Variants in PICALM observed in about 807,000 individuals in gnomAD.
PICALM encodes phosphatidylinositol binding clathrin assembly protein, also known as phosphatidylinositol-binding clathrin assembly protein.
PICALM carries 40 observed loss-of-function variants against 80.5 expected under a neutral mutation model. That is an observed-to-expected ratio of 0.50 (90% CI 0.39 to 0.65). PICALM has a LOEUF of 0.65. PICALM is among the 30% of genes least tolerant of loss of function. The pLI is 0.00. For missense variants in PICALM, 676 were observed against 778.9 expected (o/e 0.87, Z 1.57); for synonymous variants, 288 against 260.3 (o/e 1.11, Z -1.02).
chr11:86,054,988 CA>C (rs778871076), intron 1 of PICALM, among the ~76,000 whole-genome samples: 1 of 151,562 alleles, frequency 6.6e-6, no homozygotes, highest in Non-Finnish European at 1.5e-5. Flanking sequence ...CTTAGCACTC[CA>C]AAAAAAATAT....
At chr11:85,994,623 A>T (rs2094899004) in intron 12 of PICALM, among the ~76,000 whole-genome samples, 1 of 152,256 alleles carries the variant, frequency 6.6e-6, no homozygotes, top group Non-Finnish European at 1.5e-5. Flanking sequence ...GCAGCATTAT[A>T]TGTAAAATGT....
chr11:85,976,895 T>C (rs376203141), intron 17 of PICALM: 1 of 443,208 alleles, frequency 2.3e-6, no homozygotes, highest in African/African-American at 2.0e-5. Flanking sequence ...AGGATAACTA[T>C]ACCACTTAAA....
chr11:85,968,531 T>G (rs1047551268), intron 19 of PICALM, among the ~76,000 whole-genome samples: 10 of 152,216 alleles, frequency 6.6e-5, no homozygotes, highest in African/African-American at 2.4e-4. Context: ...TAAAAAGTGT[T>G]ATTTCATATC....
At chr11:86,002,032 A>G (rs2095159243) in intron 9 of PICALM, among the ~76,000 whole-genome samples, 1 of 152,232 alleles carries the variant, frequency 6.6e-6, no homozygotes. Context: ...AAATAAGCCA[A>G]TAAAAAGGTA....
intron 13 of PICALM, among the ~76,000 whole-genome samples, chr11:85,987,932 G>A (rs1272563358): frequency 6.6e-6 from 1 of 152,232 alleles, no homozygotes; most frequent in Non-Finnish European, 1.5e-5. Context: ...TTAAAGTCAA[G>A]TTCATGAAGC....
At chr11:86,003,543 A>T in intron 8 of PICALM, 92 bp from the exon 9 acceptor site, 2 of 679,854 alleles carry the variant, frequency 2.9e-6, no homozygotes, top group Non-Finnish European at 4.9e-6. Context: ...AACAAAAATA[A>T]ACAGGTATGT....
chr11:86,045,939 T>C (rs1443437774), intron 1 of PICALM, among the ~76,000 whole-genome samples: 2 of 152,194 alleles, frequency 1.3e-5, no homozygotes, highest in Non-Finnish European at 2.9e-5. Flanking sequence ...AGTTAATCTC[T>C]TCCTAAACTT....
At chr11:86,041,764 G>C (rs1048699657) in intron 1 of PICALM, among the ~76,000 whole-genome samples, 5 of 152,074 alleles carry the variant, frequency 3.3e-5, no homozygotes. Flanking sequence ...ACATTTTTCA[G>C]ATCAGTCTAA....
chr11:86,056,924 A>C (rs547800616), intron 1 of PICALM, among the ~76,000 whole-genome samples: 15 of 152,326 alleles, frequency 9.8e-5, no homozygotes, highest in Non-Finnish European at 1.9e-4. Context: ...AAAAGGCCAC[A>C]TATTGTATGA....
intron 1 of PICALM, among the ~76,000 whole-genome samples, chr11:86,067,750 C>A (rs2096466509): frequency 6.6e-6 from 1 of 150,716 alleles, no homozygotes; most frequent in Non-Finnish European, 1.5e-5. Context: ...GAATTCAAGC[C>A]GCCAGAATTA....
intron 17 of PICALM, among the ~76,000 whole-genome samples, chr11:85,979,398 G>A (rs926858140): frequency 4.0e-5 from 6 of 151,724 alleles, no homozygotes; most frequent in Non-Finnish European, 8.8e-5. Context: ...GCTAAGGCAG[G>A]AGAATCACTT....
chr11:86,067,302 T>C (rs1427873983), intron 1 of PICALM, among the ~76,000 whole-genome samples: 1 of 152,204 alleles, frequency 6.6e-6, no homozygotes, highest in Non-Finnish European at 1.5e-5. Context: ...GTAACTTTCA[T>C]GTATGATGAA....
intron 11 of PICALM, among the ~76,000 whole-genome samples, chr11:85,999,837 C>T (rs2095090029): frequency 6.6e-6 from 1 of 152,224 alleles, no homozygotes; most frequent in South Asian, 2.1e-4. Flanking sequence ...AACCTAGTCA[C>T]CTGGGAGCAT....
chr11:86,055,629 C>G (rs927107586), intron 1 of PICALM, among the ~76,000 whole-genome samples: 1 of 152,156 alleles, frequency 6.6e-6, no homozygotes, highest in Non-Finnish European at 1.5e-5. Flanking sequence ...GAGTTGTATT[C>G]CATGTCAACT....
chr11:86,055,551 A>G (rs1047112799), intron 1 of PICALM, among the ~76,000 whole-genome samples: 2 of 152,196 alleles, frequency 1.3e-5, no homozygotes, highest in Non-Finnish European at 1.5e-5. Context: ...CCCAGTAGTC[A>G]TGGAGATTGC....
chr11:86,066,423 T>C (rs1280590786), intron 1 of PICALM, among the ~76,000 whole-genome samples: 2 of 152,202 alleles, frequency 1.3e-5, no homozygotes, highest in East Asian at 3.8e-4. Flanking sequence ...TGGGAGCTTG[T>C]AAACACAGAA....
Position 86,062,370 on chromosome 11 carries a change from T to C in PICALM, c.130+6281A>G, listed in dbSNP as rs550600609. ...CATCTCTATCAAAAATACAAAAATT[T>C]AGCTGGGCGTGGTGGTGGGCACCTG... On this transcript the variant is annotated intron_variant, in intron 1 of 19. Coordinates refer to ENST00000393346, the MANE Select transcript of PICALM (RefSeq NM_007166.4). Among the ~76,000 whole-genome samples the C allele has an allele frequency of 7.2e-5, 11 of 152,058 alleles. 1 individual carries two copies. The South Asian group carries it at 2.3e-3, about 32-fold the overall frequency.
chr11:86,006,138 G>A (rs1592813147), intron 8 of PICALM, among the ~76,000 whole-genome samples: 1 of 152,258 alleles, frequency 6.6e-6, no homozygotes, highest in South Asian at 2.1e-4. Flanking sequence ...TATAATATAC[G>A]TTATTCAAGC....
At chr11:86,064,471 C>G (rs1215631603) in intron 1 of PICALM, among the ~76,000 whole-genome samples, 7 of 148,992 alleles carry the variant, frequency 4.7e-5, no homozygotes. Flanking sequence ...GAGACCTGCC[C>G]GAGCAACACA....
Sources: allele counts gnomAD v4.1 joint callset (sites outside exome capture counted in the v4.1 genomes callset), GRCh38; gene constraint gnomAD v4.1.1; transcripts MANE v1.5; gene names NCBI Gene and HGNC (gene_info 2026-07-23, HGNC 2026-07-21).